PLD5: variants seen among roughly 807,000 people sequenced by gnomAD.
The protein encoded by PLD5 is phospholipase D family member 5, also known as inactive phospholipase D5.
A neutral mutation model predicts 61.1 loss-of-function variants in PLD5; 36 were observed. The ratio of observed to expected loss-of-function variants is 0.59; its 90% CI spans 0.45 to 0.78. The LOEUF (loss-of-function observed/expected upper bound fraction) is 0.78, where lower values mean the gene tolerates loss of function less well. PLD5 is among the 30% of genes least tolerant of loss of function. The pLI, the probability that PLD5 is intolerant of heterozygous loss-of-function variation, is 0.00. For missense variants in PLD5, 515 were observed against 644.4 expected, an observed-to-expected ratio of 0.80 and a Z score of 2.17; for synonymous variants, 243 against 242.8, an observed-to-expected ratio of 1.00 and a Z score of -0.01.
intron 2 of PLD5, among the ~76,000 whole-genome samples, chr1:242,297,238 G>A (rs541800486): frequency 1.9e-4 from 29 of 151,188 alleles, no homozygotes; most frequent in Non-Finnish European, 3.8e-4. Flanking sequence ...CAGCTATTCA[G>A]GAGGCTGAGG....
chr1:242,191,413 C>T (rs769563110), intron 5 of PLD5, among the ~76,000 whole-genome samples: 8 of 151,978 alleles, frequency 5.3e-5, no homozygotes, highest in Non-Finnish European at 8.8e-5. Context: ...TGGTGAAACC[C>T]CATCTCTACT....
chr1:242,403,413 C>T (rs998962704), intron 1 of PLD5, among the ~76,000 whole-genome samples: 9 of 151,794 alleles, frequency 5.9e-5, no homozygotes, highest in African/African-American at 2.2e-4. Flanking sequence ...AGCTCTCCAT[C>T]TAAGGAGACA....
At chr1:242,477,572 C>G (rs760025412) in intron 1 of PLD5, among the ~76,000 whole-genome samples, 11 of 152,118 alleles carry the variant, frequency 7.2e-5, no homozygotes, top group Non-Finnish European at 1.3e-4. Context: ...AGAATGGCAT[C>G]CTGGAGGGGA....
At chr1:242,447,044 A>C (rs982663894) in intron 1 of PLD5, among the ~76,000 whole-genome samples, 1 of 152,194 alleles carries the variant, frequency 6.6e-6, no homozygotes, top group South Asian at 2.1e-4. Context: ...TAAAAGCAAG[A>C]ATGGGGATTA....
chr1:242,487,811 GAATT>G (rs1321804709), intron 1 of PLD5, among the ~76,000 whole-genome samples: 2 of 135,758 alleles, frequency 1.5e-5, no homozygotes, highest in African/African-American at 2.6e-5. Flanking sequence ...TTTCTTTAGA[GAATT>G]AATTTATAAT....
At chr1:242,408,452 T>C (rs755532702) in intron 1 of PLD5, among the ~76,000 whole-genome samples, 1 of 152,168 alleles carries the variant, frequency 6.6e-6, no homozygotes, top group South Asian at 2.1e-4. Flanking sequence ...CTCTCATGAA[T>C]GGTTTAGCAC....
At chr1:242,240,090 C>T (rs1044200446) in intron 4 of PLD5, among the ~76,000 whole-genome samples, 2 of 152,210 alleles carry the variant, frequency 1.3e-5, no homozygotes, top group Non-Finnish European at 2.9e-5. Context: ...CAAGACCTCC[C>T]GAGTTGGCTG....
chr1:242,524,235 A>G lies in PLD5; in HGVS notation c.42T>C (p.His14=), dbSNP rs1558169221. Residue 14 remains histidine, a synonymous_variant, in exon 1 of 10, where the codon CAT becomes CAC. Transcript: ENST00000536534. The stretch of plus-strand genomic sequence containing the variant: ...TGAGCCTCATCTGCTCGAAGCCCTC[A>G]TGGGGGGAGGCCGAGAGCCACTCGT... The part of the protein sequence containing the change: ...RQHEWLSASP[H]EGFEQMRLKS... The G allele has an allele frequency of 1.1e-5, 17 of 1,517,060 alleles. No individual in the cohort carries two copies. Among genetic ancestry groups the G allele is most frequent in the Non-Finnish European group, 1.4e-5 (16 of 1,137,880 alleles). The allele number at this position is 1,517,060 out of a possible 1,614,324, so 94.0% of individuals were successfully genotyped here. A position where few individuals can be genotyped will look rare whatever the true frequency, so the allele number is the denominator to read the frequency against.
At chr1:242,108,302 C>T (rs1430276453) in intron 7 of PLD5, among the ~76,000 whole-genome samples, 1 of 152,172 alleles carries the variant, frequency 6.6e-6, no homozygotes, top group African/African-American at 2.4e-5. Flanking sequence ...CCCACACTTC[C>T]TTTTCCCGAC....
At chr1:242,219,702 G>T (rs1296368566) in intron 5 of PLD5, among the ~76,000 whole-genome samples, 2 of 152,050 alleles carry the variant, frequency 1.3e-5, no homozygotes, top group South Asian at 4.1e-4. Context: ...GAAAATATAG[G>T]TCTGGGTGAT....
At chr1:242,506,523 T>G (rs554449876) in intron 1 of PLD5, among the ~76,000 whole-genome samples, 1 of 152,114 alleles carries the variant, frequency 6.6e-6, no homozygotes, top group Non-Finnish European at 1.5e-5. Flanking sequence ...AATGCATTCA[T>G]GCATTCTAAA....
At chr1:242,109,838 T>G (rs75894787) in intron 7 of PLD5, among the ~76,000 whole-genome samples, 27,316 of 151,624 alleles carry the variant, frequency 0.18, 2,619 homozygotes, top group Non-Finnish European at 0.19. Context: ...GTCTGTAATA[T>G]TCTGCACTCA....
chr1:242,181,940 C>G (rs1157469702), intron 5 of PLD5, among the ~76,000 whole-genome samples: 1 of 152,172 alleles, frequency 6.6e-6, no homozygotes, highest in Non-Finnish European at 1.5e-5. Context: ...AATCAAAAAT[C>G]TTCAGTGGTC....
chr1:242,363,747 T>C (rs1403370307), intron 1 of PLD5, among the ~76,000 whole-genome samples: 1 of 152,150 alleles, frequency 6.6e-6, no homozygotes, highest in Non-Finnish European at 1.5e-5. Context: ...AACTATATTC[T>C]ATATGTTTGA....
chr1:242,341,300 A>G (rs536858468), intron 2 of PLD5, among the ~76,000 whole-genome samples: 3 of 151,968 alleles, frequency 2.0e-5, no homozygotes, highest in Admixed American at 6.6e-5. Context: ...ACAAAATACT[A>G]GGAGGTAATT....
intron 1 of PLD5, among the ~76,000 whole-genome samples, chr1:242,395,453 T>A (rs1170836315): frequency 6.6e-6 from 1 of 152,172 alleles, no homozygotes; most frequent in Non-Finnish European, 1.5e-5. Flanking sequence ...ACTTTCTATT[T>A]TTCTAGGGAA....
At chr1:242,353,498 C>A (rs1352593580) in intron 1 of PLD5, among the ~76,000 whole-genome samples, 2 of 152,050 alleles carry the variant, frequency 1.3e-5, no homozygotes, top group Non-Finnish European at 2.9e-5. Context: ...ATTGCCTTGG[C>A]CATTAAGAGT....
At chr1:242,435,689 C>A (rs1406270283) in intron 1 of PLD5, among the ~76,000 whole-genome samples, 1 of 152,126 alleles carries the variant, frequency 6.6e-6, no homozygotes, top group East Asian at 1.9e-4. Context: ...CTTGGAGAAG[C>A]CTAGCCTTGT....
chr1:242,374,041 C>T (rs923852721), intron 1 of PLD5, among the ~76,000 whole-genome samples: 12 of 152,002 alleles, frequency 7.9e-5, no homozygotes, highest in South Asian at 2.1e-4. Flanking sequence ...GCTGTTCATA[C>T]AGCCATCACT....
Sources: allele counts gnomAD v4.1 joint callset (sites outside exome capture counted in the v4.1 genomes callset), GRCh38; gene constraint gnomAD v4.1.1; transcripts MANE v1.5; gene names NCBI Gene and HGNC (gene_info 2026-07-23, HGNC 2026-07-21).